QARS1: variants seen among roughly 807,000 people sequenced by gnomAD.
QARS1 encodes the protein glutamine--tRNA ligase.
Under a neutral mutation model 106.9 loss-of-function variants are expected in QARS1, and 79 were observed. That is an observed-to-expected ratio of 0.74 (90% CI 0.62 to 0.89). The LOEUF (loss-of-function observed/expected upper bound fraction) is 0.89. Among genes scored for constraint, QARS1 ranks in the 40% least tolerant of loss-of-function variants. QARS1 has a pLI of 0.00. For missense variants in QARS1, 966 were observed against 997.2 expected, an observed-to-expected ratio of 0.97 and a Z score of 0.42; for synonymous variants, 395 against 367.7, an observed-to-expected ratio of 1.07 and a Z score of -0.85.
chr3:49,096,142 G>T (rs961582123), intron 23 of QARS1, 63 bp from the exon 24 acceptor site: 3 of 1,563,694 alleles, frequency 1.9e-6, no homozygotes, highest in African/African-American at 1.4e-5. Flanking sequence ...GCCTGGGCAG[G>T]TTTCACCACA....
In QARS1 at chr3:49,099,779, G is replaced by A; in HGVS notation, c.1370C>T (p.Thr457Ile). The A allele has an allele frequency of 6.2e-7, 1 of 1,614,016 alleles. No homozygotes were observed. Among genetic ancestry groups the A allele is most frequent in the Non-Finnish European group, 8.5e-7 (1 of 1,180,010 alleles). The stretch of plus-strand genomic sequence containing the variant: ...CCCTCACCGGGCCTGGAATTCCTTG[G>A]TGCAGAGTGAGTGAGTGATGTGCTC... ...SIEHITHSLC[T>I]KEFQARRSSY... The change falls in exon 15 of 24, where the codon ACC (threonine) becomes ATC (isoleucine). Residue 457 changes from threonine to isoleucine, a missense_variant. Thr to Ile is a moderately conservative substitution (Grantham distance 89). Transcript: ENST00000306125.
chr3:49,099,364 T>C lies in QARS1; in HGVS notation c.1594A>G (p.Ile532Val). 4 of 1,614,160 alleles carry C rather than the reference T, an allele frequency of 2.5e-6. No individual in the cohort carries two copies. Among genetic ancestry groups the C allele is most frequent in the Admixed American group, 1.7e-5 (1 of 60,030 alleles). Residue 532 changes from isoleucine to valine, a missense_variant, in exon 17 of 24, where the codon ATC becomes GTC. Transcript: ENST00000306125. ...TATACCCGGGCACAGAAGTTGTTGA[T>C]GGCCTCAGGTGGGAAGCCCCGCCGT... is the stretch of plus-strand genomic sequence containing the variant. ...LRRRGFPPEAINNFCARVGVT... is the reference protein window; with the variant it reads ...LRRRGFPPEAVNNFCARVGVT...
rs146512977 is a variant in QARS1 at position 49,098,972 on chromosome 3, C to T, written c.1776G>A (p.Val592=). 2 of 1,614,046 alleles carry T rather than the reference C, an allele frequency of 1.2e-6. No homozygotes were observed. Among genetic ancestry groups the T allele is most frequent in the East Asian group, 2.2e-5 (1 of 44,876 alleles). ...TGGTCTCATCAGCTGGGAAGTTGGG[C>T]ACCTGGATGTCCAAGGACTATAGCA... ...FPAAKSLDIQ[V]PNFPADETKG... Residue 592 remains valine (V), a synonymous_variant, in exon 19 of 24, where the codon GTG becomes GTA. Coordinates refer to ENST00000306125, the MANE Select transcript of QARS1 (RefSeq NM_005051.3).
In QARS1 at chr3:49,100,409, T is replaced by G; in HGVS notation, c.1026A>C (p.Leu342=). The change falls in exon 12 of 24, where the codon CTA becomes CTC. Residue 342 remains leucine (L), a synonymous_variant. Transcript: ENST00000306125. Reference sequence around the variant, plus strand: ...GGATGAGCTCCACAGCCCACGCATATAGCTGGTCAAAATAGTCAGACGCAT... The same window carrying G: ...GGATGAGCTCCACAGCCCACGCATAGAGCTGGTCAAAATAGTCAGACGCAT... ...VTYASDYFDQ[L]YAWAVELIRR... 2 of 1,614,242 alleles carry G rather than the reference T, an allele frequency of 1.2e-6. No individual in the cohort carries two copies. The highest frequency in any genetic ancestry group is 1.7e-6 in the Non-Finnish European group (2 of 1,180,046).
At chr3:49,100,771 G>T in intron 10 of QARS1, 97 bp from the exon 11 acceptor site, 1 of 1,102,422 alleles carries the variant, frequency 9.1e-7, no homozygotes, top group Non-Finnish European at 1.4e-6. Flanking sequence ...TCTCATGTCA[G>T]AATTTTCTTT....
Position 49,104,468 on chromosome 3 carries a change from G to A in QARS1, c.121C>T (p.Gln41Ter). 2 of 1,614,074 alleles carry A rather than the reference G, an allele frequency of 1.2e-6. No individual in the cohort carries two copies. Among genetic ancestry groups the A allele is most frequent in the Non-Finnish European group, 1.7e-6 (2 of 1,180,032 alleles). ...AQLREAATQA[Q>*]QTLGSTIDKA... ...TCAATGGTGGAACCCAGGGTCTGCTGAGCCTGAGGTCAGAGGGGTCAAGAG... is the reference window on the plus strand; with the variant it reads ...TCAATGGTGGAACCCAGGGTCTGCTAAGCCTGAGGTCAGAGGGGTCAAGAG... The change falls in exon 2 of 24, where the codon CAG (glutamine) becomes TAG (stop). Residue 41 changes from glutamine (Q) to a stop codon, truncating the protein, a stop_gained. Coordinates refer to ENST00000306125, the MANE Select transcript of QARS1 (RefSeq NM_005051.3). LOFTEE classifies it high-confidence loss of function.
chr3:49,096,104 A>C, intron 23 of QARS1, 25 bp from the exon 24 acceptor site: 1 of 1,612,940 alleles, frequency 6.2e-7, no homozygotes, highest in Non-Finnish European at 8.5e-7. Context: ...GAAAAGGATG[A>C]CCACCAACCC....
intron 5 of QARS1, among the ~76,000 whole-genome samples, chr3:49,103,012 C>T (rs1185202041): frequency 6.6e-6 from 1 of 151,756 alleles, no homozygotes; most frequent in Non-Finnish European, 1.5e-5. Context: ...GGATGGAGTG[C>T]AGTGGTGCAA....
In QARS1 at chr3:49,102,428, C is replaced by T; in HGVS notation, c.561G>A (p.Lys187=). The change falls in exon 6 of 24, where the codon AAG becomes AAA. Residue 187 remains lysine, a synonymous_variant. Coordinates refer to ENST00000306125, the MANE Select transcript of QARS1 (RefSeq NM_005051.3). ...LGPKLEADLE[K]KFKVAKARLE... is the part of the protein sequence containing the mutation. ...CCATGCCCATCCCTACCTTGAACTTCTTCTCCAGATCAGCCTCCAACTTGG... is the reference window on the plus strand; with the variant it reads ...CCATGCCCATCCCTACCTTGAACTTTTTCTCCAGATCAGCCTCCAACTTGG... 6.2e-7 allele frequency: 1 copy of T among 1,614,186 alleles called. No homozygotes were observed. Among genetic ancestry groups the T allele is most frequent in the East Asian group, 2.2e-5 (1 of 44,878 alleles).
Position 49,104,394 on chromosome 3 carries a change from A to G in QARS1, c.195T>C (p.Asp65=), listed in dbSNP as rs747351699. ...LLYGLASRLR[D]TRRLSFLVSY... is the part of the protein sequence containing the mutation. ...TTACAAGGAAGGAGAGACGCCGGGT[A>G]TCCCTGAGTCGGGAGGCCAAGCCAT... Residue 65 remains aspartate, a synonymous_variant, in exon 2 of 24, where the codon GAT becomes GAC. Transcript: ENST00000306125. 2 of 1,614,222 alleles carry G rather than the reference A, an allele frequency of 1.2e-6. No individual in the cohort carries two copies. The highest frequency in any genetic ancestry group is 2.2e-5 in the South Asian group (2 of 91,088).
intron 1 of QARS1, 28 bp downstream of exon 1, chr3:49,104,589 A>C (rs1457228876): frequency 1.9e-6 from 3 of 1,597,812 alleles, no homozygotes; most frequent in Non-Finnish European, 2.6e-6. Context: ...TGGTCTGCAA[A>C]CCAGGCCGGG....
intron 5 of QARS1, chr3:49,102,791 C>T (rs559392360): frequency 2.2e-5 from 9 of 405,444 alleles, no homozygotes; most frequent in Non-Finnish European, 3.8e-5. Context: ...TGCATGTGCC[C>T]GCCACCACAC....
Position 49,099,181 on chromosome 3 carries a change from C to T in QARS1, c.1687G>A (p.Asp563Asn), listed in dbSNP as rs974143738. Reference sequence around the variant, plus strand: ...ACAGCCATGGCTCGTGGGGCTGTGTCATTCAGCACATCACGCACACAGGCT... The same window carrying T: ...ACAGCCATGGCTCGTGGGGCTGTGTTATTCAGCACATCACGCACACAGGCT... ...LEACVRDVLN[D>N]TAPRAMAVLE... Residue 563 changes from aspartate (D) to asparagine (N), a missense_variant, in exon 18 of 24, where the codon GAC (aspartate) becomes AAC (asparagine). By Grantham distance (23) the Asp-to-Asn change is conservative (BLOSUM62 1). Coordinates refer to ENST00000306125, the MANE Select transcript of QARS1 (RefSeq NM_005051.3). The T allele has an allele frequency of 1.2e-6, 2 of 1,614,062 alleles. No homozygotes were observed. The highest frequency in any genetic ancestry group is 3.3e-5 in the Admixed American group (2 of 60,006).
Position 49,098,038 on chromosome 3 carries a change from T to C in QARS1, c.2231A>G (p.Glu744Gly). 1.2e-6 allele frequency: 2 copies of C among 1,614,084 alleles called. No homozygotes were observed. Among genetic ancestry groups the C allele is most frequent in the Non-Finnish European group, 8.5e-7 (1 of 1,180,010 alleles). ...ATCCACGGAGAAATATCCAAGACGCTCAAACTGGAACTTGTCGAAGGGTTT... is the reference window on the plus strand; with the variant it reads ...ATCCACGGAGAAATATCCAAGACGCCCAAACTGGAACTTGTCGAAGGGTTT... Reference protein sequence around the residue: ...LAKPFDKFQFERLGYFSVDPD... With the variant: ...LAKPFDKFQFGRLGYFSVDPD... The change falls in exon 23 of 24, where the codon GAG becomes GGG. Residue 744 changes from glutamate to glycine, a missense_variant. Coordinates refer to ENST00000306125, the MANE Select transcript of QARS1 (RefSeq NM_005051.3).
In QARS1 at chr3:49,100,637, G is replaced by T; in HGVS notation, c.914C>A (p.Thr305Asn). ...CTTTGCTTCCTCCTTCTCAGGGTTG[G>T]TGTCATCAAAACGCAGAAAACAGAT... is the stretch of plus-strand genomic sequence containing the variant. ...NGICFLRFDDTNPEKEEAKFF... is the reference protein window; with the variant it reads ...NGICFLRFDDNNPEKEEAKFF... The change falls in exon 11 of 24, where the codon ACC (threonine) becomes AAC (asparagine). Residue 305 changes from threonine to asparagine, a missense_variant. Transcript: ENST00000306125. 1.2e-6 allele frequency: 2 copies of T among 1,610,738 alleles called. No homozygotes were observed. The highest frequency in any genetic ancestry group is 8.5e-7 in the Non-Finnish European group (1 of 1,176,866).
rs997972148 is a variant in QARS1, at chr3:49,099,091, C to A, written c.1758+19G>T. ...CAGCTACACACACACATGTGACACACATGTTGAGGCAGGCCCACCTTGGCA... is the reference window on the plus strand; with the variant it reads ...CAGCTACACACACACATGTGACACAAATGTTGAGGCAGGCCCACCTTGGCA... On this transcript the variant is annotated intron_variant, in intron 18 of 23. Transcript: ENST00000306125. 1.2e-6 allele frequency: 2 copies of A among 1,614,042 alleles called. No homozygotes were observed. Among genetic ancestry groups the A allele is most frequent in the African/African-American group, 2.7e-5 (2 of 74,926 alleles).
Position 49,100,191 on chromosome 3 carries a change from T to C in QARS1, c.1163A>G (p.Glu388Gly), listed in dbSNP as rs777424712. 117 of 1,614,072 alleles carry C rather than the reference T, an allele frequency of 7.2e-5. No individual in the cohort carries two copies. The highest frequency in any genetic ancestry group is 9.9e-5 in the Non-Finnish European group (117 of 1,180,054). Residue 388 changes from glutamate to glycine, a missense_variant and splice_region_variant, in exon 13 of 24, where the codon GAG becomes GGG. Physicochemically the swap from Glu to Gly is moderately conservative, Grantham distance 98. Coordinates refer to ENST00000306125, the MANE Select transcript of QARS1 (RefSeq NM_005051.3). ...RPMEESLLLF[E>G]AMRKGKFSEG... ...CCAGATGCTCCTCTAGGACCCCACC[T>C]CAAAGAGCAGCAGTGACTCCTCCAT...
intron 6 of QARS1, 30 bp from the exon 7 acceptor site, chr3:49,102,295 T>C: frequency 1.9e-6 from 3 of 1,614,174 alleles, no homozygotes; most frequent in Non-Finnish European, 1.7e-6. Flanking sequence ...CTTCAGAAAA[T>C]GGCATCAAAT....
chr3:49,099,128 G>A lies in QARS1; in HGVS notation c.1740C>T (p.Thr580=). 1 of 1,614,148 alleles carries A rather than the reference G, an allele frequency of 6.2e-7. No homozygotes were observed. Among genetic ancestry groups the A allele is most frequent in the Non-Finnish European group, 8.5e-7 (1 of 1,180,012 alleles). ...GGCCCACCTTGGCAGCAGGAAAGTT[G>A]GTGATGATGACCCGTAGTGACTCCA... The part of the protein sequence containing the change: ...AVLESLRVII[T]NFPAAKSLDI... Residue 580 remains threonine, a synonymous_variant, in exon 18 of 24, where the codon ACC becomes ACT. Coordinates refer to ENST00000306125, the MANE Select transcript of QARS1 (RefSeq NM_005051.3).
Sources: allele counts gnomAD v4.1 joint callset (sites outside exome capture counted in the v4.1 genomes callset), GRCh38; gene constraint gnomAD v4.1.1; transcripts MANE v1.5; gene names NCBI Gene and HGNC (gene_info 2026-07-23, HGNC 2026-07-21).